Variants in KCNIP4 observed in about 807,000 individuals in gnomAD.
KCNIP4 encodes Kv channel-interacting protein 4.
In KCNIP4, 12 loss-of-function variants were observed where a neutral mutation model predicts 34.0. The observed-to-expected ratio is 0.35, with a 90% CI of 0.23 to 0.57. KCNIP4 has a LOEUF of 0.57. Among genes scored for constraint, KCNIP4 ranks in the 20% least tolerant of loss-of-function variants. The probability of loss-of-function intolerance (pLI) is 0.83; values close to 1 mark genes in which losing one functional copy is unlikely to be tolerated. For synonymous variants in KCNIP4, 124 were observed against 102.2 expected, an observed-to-expected ratio of 1.21 and a Z score of -1.29; for missense variants, 238 against 311.7, an observed-to-expected ratio of 0.76 and a Z score of 1.78.
intron 1 of KCNIP4, among the ~76,000 whole-genome samples, chr4:20,894,127 C>A (rs1726245978): frequency 6.6e-6 from 1 of 152,146 alleles, no homozygotes; most frequent in African/African-American, 2.4e-5. Context: ...GTGATCCGCA[C>A]ACCTCGGCCT....
intron 1 of KCNIP4, among the ~76,000 whole-genome samples, chr4:21,619,660 T>A (rs1254343682): frequency 1.3e-5 from 2 of 152,226 alleles, no homozygotes; most frequent in African/African-American, 4.8e-5. Context: ...TTGATTGTAT[T>A]CACCAAATAT....
chr4:20,770,847 A>G (rs575942044), intron 3 of KCNIP4, among the ~76,000 whole-genome samples: 2 of 152,216 alleles, frequency 1.3e-5, no homozygotes, highest in East Asian at 3.9e-4. Flanking sequence ...AGACAGAAGA[A>G]TTGCTTGAGC....
At chr4:21,621,966 C>T (rs1257400778) in intron 1 of KCNIP4, among the ~76,000 whole-genome samples, 1 of 152,140 alleles carries the variant, frequency 6.6e-6, no homozygotes. Flanking sequence ...GGGATCCTCA[C>T]CCTACTTCAG....
chr4:21,357,971 A>G (rs925146787), intron 1 of KCNIP4, among the ~76,000 whole-genome samples: 3 of 152,180 alleles, frequency 2.0e-5, no homozygotes, highest in Non-Finnish European at 4.4e-5. Flanking sequence ...CATATACACC[A>G]TGGAATACTA....
intron 2 of KCNIP4, among the ~76,000 whole-genome samples, chr4:20,876,055 A>T (rs1186360678): frequency 6.6e-6 from 1 of 152,192 alleles, no homozygotes; most frequent in Non-Finnish European, 1.5e-5. Context: ...CTCAAATAAA[A>T]AACAAAAACC....
intron 1 of KCNIP4, among the ~76,000 whole-genome samples, chr4:20,999,414 GTTTTT>G (rs5856594): frequency 2.6e-4 from 25 of 95,348 alleles, no homozygotes; most frequent in Middle Eastern, 5.9e-3. Flanking sequence ...TTGTGGTGGT[GTTTTT>G]TTTTTTTGTT....
At chr4:21,365,090 G>A (rs1476650962) in intron 1 of KCNIP4, among the ~76,000 whole-genome samples, 1 of 152,116 alleles carries the variant, frequency 6.6e-6, no homozygotes, top group Non-Finnish European at 1.5e-5. Context: ...TGGGTAAAAG[G>A]GAGATATTAA....
At chr4:20,882,579 G>GAA (rs367632836) in intron 2 of KCNIP4, 29 bp downstream of exon 2, 447 of 1,194,690 alleles carry the variant, frequency 3.7e-4, no homozygotes, top group Non-Finnish European at 4.5e-4. Flanking sequence ...AGTTTCGGAG[G>GAA]AAAAAAAAAA....
At chr4:21,591,841 A>C (rs1174474876) in intron 1 of KCNIP4, among the ~76,000 whole-genome samples, 1 of 152,140 alleles carries the variant, frequency 6.6e-6, no homozygotes, top group African/African-American at 2.4e-5. Context: ...ACTGCACTAA[A>C]ATATTCTCAA....
At chr4:21,036,911 G>A (rs1741499383) in intron 1 of KCNIP4, among the ~76,000 whole-genome samples, 1 of 152,332 alleles carries the variant, frequency 6.6e-6, no homozygotes, top group African/African-American at 2.4e-5. Context: ...AGACCTTTCT[G>A]TGGGACAAAA....
intron 1 of KCNIP4, among the ~76,000 whole-genome samples, chr4:21,708,009 G>A (rs1183108118): frequency 6.6e-6 from 1 of 151,448 alleles, no homozygotes; most frequent in Admixed American, 6.6e-5. Flanking sequence ...ATCAACTTAT[G>A]AGAAATTCTC....
At chr4:21,741,876 A>C (rs955686053) in intron 1 of KCNIP4, among the ~76,000 whole-genome samples, 2 of 152,168 alleles carry the variant, frequency 1.3e-5, no homozygotes, top group East Asian at 3.9e-4. Context: ...ATTTCTACTA[A>C]AAATACAAAA....
At chr4:21,384,043 C>G in intron 1 of KCNIP4, among the ~76,000 whole-genome samples, 1 of 152,224 alleles carries the variant, frequency 6.6e-6, no homozygotes, top group East Asian at 1.9e-4. Flanking sequence ...ACGCCGAGCT[C>G]AGTCCTACCT....
At chr4:21,120,100 G>T (rs1404403177) in intron 1 of KCNIP4, among the ~76,000 whole-genome samples, 1 of 152,190 alleles carries the variant, frequency 6.6e-6, no homozygotes, top group Non-Finnish European at 1.5e-5. Context: ...CAACGTGGGG[G>T]AGGGTACTTG....
At chr4:21,444,008 T>C (rs1463922355) in intron 1 of KCNIP4, among the ~76,000 whole-genome samples, 1 of 151,984 alleles carries the variant, frequency 6.6e-6, no homozygotes, top group Non-Finnish European at 1.5e-5. Flanking sequence ...TCTATGCAAA[T>C]AAACTAGAAA....
intron 1 of KCNIP4, among the ~76,000 whole-genome samples, chr4:21,883,549 T>C (rs531578892): frequency 6.6e-6 from 1 of 152,204 alleles, no homozygotes; most frequent in Non-Finnish European, 1.5e-5. Flanking sequence ...TCATGTGTGA[T>C]GAACCATTGC....
intron 1 of KCNIP4, among the ~76,000 whole-genome samples, chr4:21,832,535 C>A (rs575823124): frequency 3.1e-4 from 47 of 152,122 alleles, no homozygotes; most frequent in Admixed American, 2.3e-3. Context: ...CACTCTCAAT[C>A]CAAAACAATT....
chr4:21,756,794 A>G, intron 1 of KCNIP4, among the ~76,000 whole-genome samples: 1 of 151,728 alleles, frequency 6.6e-6, no homozygotes, highest in Non-Finnish European at 1.5e-5. Flanking sequence ...GCAAATGTAA[A>G]ACTCGCTTTT....
chr4:21,790,898 T>A (rs895358979), intron 1 of KCNIP4, among the ~76,000 whole-genome samples: 1 of 146,278 alleles, frequency 6.8e-6, no homozygotes, highest in East Asian at 2.0e-4. Context: ...AATTTGTAAC[T>A]TTTAAAAATG....
Sources: gnomAD v4.1 joint callset for allele counts (sites outside exome capture counted in the v4.1 genomes callset) on GRCh38, gnomAD v4.1.1 for gene constraint, MANE v1.5 for transcripts, NCBI Gene and HGNC (gene_info 2026-07-23, HGNC 2026-07-21) for gene names.